The following KANSL2 variants were observed in gnomAD, a reference collection of about 807,000 sequenced individuals.
KANSL2 encodes the protein NSL complex protein NSL2.
KANSL2 carries 34 observed loss-of-function variants against 55.6 expected under a neutral mutation model. That is an observed-to-expected ratio of 0.61 (90% CI 0.46 to 0.81). The LOEUF is 0.81. Among genes scored for constraint, KANSL2 ranks in the 40% least tolerant of loss-of-function variants. The pLI, the probability that KANSL2 is intolerant of heterozygous loss-of-function variation, is 0.00. For synonymous variants in KANSL2, 209 were observed against 214.3 expected, an observed-to-expected ratio of 0.98 and a Z score of 0.22; for missense variants, 502 against 609.9, an observed-to-expected ratio of 0.82 and a Z score of 1.86.
At chr12:48,656,584 C>T (rs1939387160) in intron 8 of KANSL2, 1 of 370,442 alleles carries the variant, frequency 2.7e-6, no homozygotes. Context: ...CTCCCTGGTT[C>T]TTAAGCCTAA....
At chr12:48,654,819 A>T (rs139236103) in intron 9 of KANSL2, 122 bp downstream of exon 9, 55 of 956,982 alleles carry the variant, frequency 5.7e-5, no homozygotes, top group Admixed American at 2.7e-4. Context: ...AGACATGTGG[A>T]GCATCTTTAT....
At chr12:48,676,639 C>T (rs956684453) in intron 4 of KANSL2, among the ~76,000 whole-genome samples, 1 of 151,728 alleles carries the variant, frequency 6.6e-6, no homozygotes, top group East Asian at 1.9e-4. Context: ...GCCTGGGTGA[C>T]AAGAGTGAAA....
At chr12:48,656,919 T>C (rs1939395117) in intron 8 of KANSL2, 1 of 288,680 alleles carries the variant, frequency 3.5e-6, no homozygotes, top group South Asian at 3.1e-5. Context: ...TAATCCAGTT[T>C]ATAGATGCTC....
intron 7 of KANSL2, chr12:48,661,198 T>C: frequency 1.0e-6 from 1 of 963,052 alleles, no homozygotes; most frequent in Non-Finnish European, 1.2e-6. Flanking sequence ...TACATGCCTT[T>C]TTTTTTTAGG....
At chr12:48,668,232 A>G (rs922204165) in intron 6 of KANSL2, among the ~76,000 whole-genome samples, 1 of 152,230 alleles carries the variant, frequency 6.6e-6, no homozygotes, top group African/African-American at 2.4e-5. Flanking sequence ...TTTTAAAACA[A>G]GATTCCCAAG....
rs1213511658 is a variant in KANSL2 at position 48,668,800 on chromosome 12, G to C, written c.876+306C>G. 3.3e-5 allele frequency among the ~76,000 whole-genome samples: 5 copies of C among 152,162 alleles called. No homozygotes were observed. In the East Asian group the frequency reaches 9.6e-4, roughly 29 times the overall value. ...CTCATGTCTGCAATCCCAACACTTT[G>C]GGAGGCCGAGGTGGGTAGATCACGA... On this transcript the variant is annotated intron_variant, in intron 6 of 9. Transcript: ENST00000420613.
At chr12:48,678,975 G>T in intron 4 of KANSL2, 61 bp downstream of exon 4, 3 of 1,160,642 alleles carry the variant, frequency 2.6e-6, no homozygotes, top group Admixed American at 1.9e-5. Context: ...TTAACAGCAT[G>T]CAGCACTACA....
chr12:48,679,699 G>C lies in KANSL2; in HGVS notation c.386C>G (p.Ser129Cys). The change falls in exon 3 of 10, where the codon TCT (serine) becomes TGT (cysteine). Residue 129 changes from serine (S) to cysteine (C), a missense_variant. Physicochemically the swap from Ser to Cys is moderately radical, Grantham distance 112. Transcript: ENST00000420613. ...LSSYAKTELG[S>C]QTPESSRSEA... ...ACTGCGACTACTTTCTGGAGTCTGA[G>C]ACCCCAGCTCTGTCTTAGCATATGA... 1 of 1,613,552 alleles carries C rather than the reference G, an allele frequency of 6.2e-7. No homozygotes were observed. Among genetic ancestry groups the C allele is most frequent in the Non-Finnish European group, 8.5e-7 (1 of 1,179,746 alleles).
At chr12:48,674,668 G>T (rs185726359) in intron 4 of KANSL2, among the ~76,000 whole-genome samples, 1 of 152,166 alleles carries the variant, frequency 6.6e-6, no homozygotes. Context: ...AACCAGCAAA[G>T]GGCCAGGTGT....
At chr12:48,664,178 G>A (rs1287613282) in intron 7 of KANSL2, among the ~76,000 whole-genome samples, 1 of 151,746 alleles carries the variant, frequency 6.6e-6, no homozygotes, top group Non-Finnish European at 1.5e-5. Flanking sequence ...GCCTCCCAAA[G>A]TGCTGAGATT....
chr12:48,670,032 C>A (rs1344252764), intron 5 of KANSL2, among the ~76,000 whole-genome samples: 1 of 151,950 alleles, frequency 6.6e-6, no homozygotes, highest in African/African-American at 2.4e-5. Flanking sequence ...GAAACCCCAT[C>A]TCTACTAAAA....
At chr12:48,678,887 G>C (rs1199495262) in intron 4 of KANSL2, 149 bp downstream of exon 4, 1 of 561,510 alleles carries the variant, frequency 1.8e-6, no homozygotes, top group Non-Finnish European at 3.1e-6. Context: ...AGACGACAAT[G>C]AACCATGCCA....
intron 7 of KANSL2, among the ~76,000 whole-genome samples, chr12:48,665,251 T>C (rs1939572523): frequency 6.6e-6 from 1 of 152,188 alleles, no homozygotes; most frequent in African/African-American, 2.4e-5. Context: ...GAAGAGGTTC[T>C]CCTTCTCCTC....
intron 9 of KANSL2, chr12:48,654,613 C>A: frequency 1.8e-6 from 1 of 543,548 alleles, no homozygotes; most frequent in Non-Finnish European, 3.6e-6. Context: ...AACTCTCCCT[C>A]AGAAGGTATG....
rs1018647375 is a variant in KANSL2 at position 48,678,311 on chromosome 12, C to T, written c.545+725G>A. Among the ~76,000 whole-genome samples the T allele has an allele frequency of 5.6e-4, 86 of 152,250 alleles. 1 individual carries two copies. Among genetic ancestry groups the T allele is most frequent in the African/African-American group, 1.9e-3 (80 of 41,550 alleles). ...GTAATGTTTTTATGCTTCTACAACT[C>T]CTACGGTGATGATGGGTTAAGTGAA... On this transcript the variant is annotated intron_variant, in intron 4 of 9. Coordinates refer to ENST00000420613, the MANE Select transcript of KANSL2 (RefSeq NM_017822.4).
chr12:48,661,009 G>C (rs1939476680), intron 7 of KANSL2, among the ~76,000 whole-genome samples: 1 of 152,116 alleles, frequency 6.6e-6, no homozygotes, highest in Non-Finnish European at 1.5e-5. Flanking sequence ...CCTTCCAAAA[G>C]AGTCAAGCGA....
chr12:48,654,221 T>C, intron 9 of KANSL2, 46 bp from the exon 10 acceptor site: 1 of 1,564,434 alleles, frequency 6.4e-7, no homozygotes, highest in Non-Finnish European at 8.7e-7. Context: ...TCATTCACTG[T>C]GGTCTGAAGT....
rs56147873 is a variant in KANSL2 at position 48,677,784 on chromosome 12, CAAAAAAAAAA to C, written c.545+1242_545+1251del. 5.7e-3 allele frequency among the ~76,000 whole-genome samples: 272 copies of C among 47,678 alleles called. 4 individuals are homozygous for C. In the South Asian group the frequency reaches 0.078, roughly 14 times the overall value. 31.3% of individuals were successfully genotyped at this position (47,678 alleles called of 152,430 possible). On this transcript the variant is annotated intron_variant, in intron 4 of 9. Coordinates refer to ENST00000420613, the MANE Select transcript of KANSL2 (RefSeq NM_017822.4). Reference sequence around the variant, plus strand: ...TGGGTGACAGTGCAAGACTCCATCTCAAAAAAAAAAAAAAAAAAAAAAAAAAGGAATGAAT... The same window carrying C: ...TGGGTGACAGTGCAAGACTCCATCTCAAAAAAAAAAAAAAAAGGAATGAAT...
rs752372624 is a variant in KANSL2 at position 48,660,358 on chromosome 12, T to A, written c.1227+8A>T. The stretch of plus-strand genomic sequence containing the variant: ...GGCCTGAACCAAAGCAGAGCTTCTC[T>A]AACTTACATCACTGAACTCCAGAGG... On this transcript the variant is annotated splice_region_variant and intron_variant, in intron 8 of 9. Transcript: ENST00000420613. 7 of 1,613,576 alleles carry A rather than the reference T, an allele frequency of 4.3e-6. No homozygotes were observed. In the East Asian group the frequency reaches 1.3e-4, roughly 31 times the overall value.
Sources: gnomAD v4.1 joint callset for allele counts (sites outside exome capture counted in the v4.1 genomes callset) on GRCh38, gnomAD v4.1.1 for gene constraint, MANE v1.5 for transcripts, NCBI Gene and HGNC (gene_info 2026-07-23, HGNC 2026-07-21) for gene names.